The following MEI4 variants were observed in gnomAD, a reference collection of about 807,000 sequenced individuals.
MEI4 encodes meiosis-specific protein MEI4.
MEI4 carries 27 observed loss-of-function variants against 31.4 expected under a neutral mutation model. The ratio of observed to expected loss-of-function variants is 0.86; its 90% CI spans 0.63 to 1.19. The LOEUF (loss-of-function observed/expected upper bound fraction) is 1.19. Ranked by LOEUF, MEI4 falls within the 50% of genes most tolerant of loss-of-function variation. The probability of loss-of-function intolerance (pLI) is 0.00; values close to 1 mark genes in which losing one functional copy is unlikely to be tolerated. For synonymous variants in MEI4, 122 were observed against 145.4 expected (o/e 0.84, Z 1.16); for missense variants, 329 against 398.9 (o/e 0.82, Z 1.49).
intron 2 of MEI4, among the ~76,000 whole-genome samples, chr6:77,713,118 A>G (rs1183239489): frequency 2.0e-5 from 3 of 152,182 alleles, no homozygotes; most frequent in African/African-American, 7.2e-5. Context: ...TTTGAATATT[A>G]GCTCTGTCAA....
At chr6:77,865,662 T>A (rs577468020) in intron 4 of MEI4, among the ~76,000 whole-genome samples, 1 of 152,326 alleles carries the variant, frequency 6.6e-6, no homozygotes, top group East Asian at 1.9e-4. Flanking sequence ...TAGGAGGAGC[T>A]GGTACCATTC....
chr6:77,891,510 G>A (rs1302325792), intron 4 of MEI4, among the ~76,000 whole-genome samples: 1 of 151,906 alleles, frequency 6.6e-6, no homozygotes, highest in Non-Finnish European at 1.5e-5. Flanking sequence ...TTCTCTTTTA[G>A]ATCATGTATT....
chr6:77,677,640 C>T (rs1768869226), intron 1 of MEI4, among the ~76,000 whole-genome samples: 1 of 152,094 alleles, frequency 6.6e-6, no homozygotes, highest in African/African-American at 2.4e-5. Context: ...CAGTTTTGGC[C>T]TCTTAACCTC....
intron 2 of MEI4, among the ~76,000 whole-genome samples, chr6:77,754,926 G>T (rs1208124633): frequency 6.6e-6 from 1 of 152,148 alleles, no homozygotes; most frequent in African/African-American, 2.4e-5. Flanking sequence ...CTTGACATGT[G>T]GGTATTACAG....
At position 77,734,938 on chromosome 6, in the gene MEI4, T is replaced by C. The variant is rs572860300; in HGVS notation, c.233-26192T>C. Reference sequence around the variant, plus strand: ...TGAAATTCTGGGTTGAAAATTCTTTTCTTTAAGAATGTTGAATATTGGCCC... The same window carrying C: ...TGAAATTCTGGGTTGAAAATTCTTTCCTTTAAGAATGTTGAATATTGGCCC... On this transcript the variant is annotated intron_variant, in intron 2 of 4. Transcript: ENST00000684080. 1.5e-3 allele frequency among the ~76,000 whole-genome samples: 232 copies of C among 152,044 alleles called. 3 individuals are homozygous for C. Among genetic ancestry groups the C allele is most frequent in the African/African-American group, 4.5e-3 (188 of 41,372 alleles).
intron 3 of MEI4, among the ~76,000 whole-genome samples, chr6:77,772,906 G>A (rs187881880): frequency 2.1e-3 from 321 of 151,956 alleles, no homozygotes; most frequent in Non-Finnish European, 3.9e-3. Context: ...TATGCCAACA[G>A]TGAAAAATGT....
intron 2 of MEI4, among the ~76,000 whole-genome samples, chr6:77,695,571 T>G (rs1270513832): frequency 6.6e-6 from 1 of 152,192 alleles, no homozygotes; most frequent in Non-Finnish European, 1.5e-5. Flanking sequence ...ATCAGATAGT[T>G]GTAGATATGT....
intron 2 of MEI4, among the ~76,000 whole-genome samples, chr6:77,730,841 T>C (rs909159438): frequency 2.8e-5 from 4 of 144,696 alleles, no homozygotes; most frequent in Non-Finnish European, 6.0e-5. Flanking sequence ...TGTGTTCTCA[T>C]TGTTCAATTC....
chr6:77,692,419 G>GAC (rs1253694549), intron 2 of MEI4, among the ~76,000 whole-genome samples: 1 of 152,004 alleles, frequency 6.6e-6, no homozygotes, highest in African/African-American at 2.4e-5. Flanking sequence ...CTCAAAGCCT[G>GAC]ACACACAGAA....
At chr6:77,710,520 C>CAAAAAA (rs1198470708) in intron 2 of MEI4, among the ~76,000 whole-genome samples, 67 of 57,372 alleles carry the variant, frequency 1.2e-3, no homozygotes, top group African/African-American at 2.2e-3. Flanking sequence ...GACTCCATCT[C>CAAAAAA]AAAAAAAAAA....
chr6:77,728,920 G>T (rs750283377), intron 2 of MEI4, among the ~76,000 whole-genome samples: 2 of 152,170 alleles, frequency 1.3e-5, no homozygotes, highest in Non-Finnish European at 2.9e-5. Flanking sequence ...ATGGAGAATG[G>T]GCTGTAACTG....
intron 3 of MEI4, among the ~76,000 whole-genome samples, chr6:77,763,624 T>G (rs964415336): frequency 1.9e-4 from 29 of 152,176 alleles, no homozygotes; most frequent in Admixed American, 1.4e-3. Context: ...CCATCACAAG[T>G]TTGAAATGAA....
At chr6:77,664,830 G>A (rs1413940926) in intron 1 of MEI4, among the ~76,000 whole-genome samples, 1 of 152,080 alleles carries the variant, frequency 6.6e-6, no homozygotes, top group Non-Finnish European at 1.5e-5. Flanking sequence ...CTTGCAGGAT[G>A]GAAAAATTCA....
intron 2 of MEI4, among the ~76,000 whole-genome samples, chr6:77,694,895 C>T (rs1166922631): frequency 4.0e-5 from 6 of 150,498 alleles, no homozygotes; most frequent in Non-Finnish European, 8.9e-5. Flanking sequence ...TAAAAGTGTT[C>T]CTATTTCTCC....
intron 4 of MEI4, among the ~76,000 whole-genome samples, chr6:77,862,516 G>A (rs1050808787): frequency 1.3e-5 from 2 of 152,282 alleles, no homozygotes; most frequent in South Asian, 2.1e-4. Context: ...AGGTGGCAGC[G>A]ATGCTGGGGG....
At chr6:77,668,929 G>A (rs1175691894) in intron 1 of MEI4, among the ~76,000 whole-genome samples, 1 of 152,080 alleles carries the variant, frequency 6.6e-6, no homozygotes, top group Non-Finnish European at 1.5e-5. Flanking sequence ...ATTCCTGAAT[G>A]TCTTCTTTAT....
intron 2 of MEI4, among the ~76,000 whole-genome samples, chr6:77,700,332 T>A (rs978647328): frequency 6.6e-6 from 1 of 152,120 alleles, no homozygotes; most frequent in South Asian, 2.1e-4. Context: ...CACCTTGTAG[T>A]TTGATCTGAC....
intron 2 of MEI4, among the ~76,000 whole-genome samples, chr6:77,698,350 T>A (rs1415001468): frequency 6.6e-6 from 1 of 152,202 alleles, no homozygotes; most frequent in East Asian, 1.9e-4. Flanking sequence ...TTGATGCAGT[T>A]TCTTCCTAGC....
chr6:77,702,246 T>G (rs897804918), intron 2 of MEI4, among the ~76,000 whole-genome samples: 3 of 152,184 alleles, frequency 2.0e-5, no homozygotes, highest in Non-Finnish European at 4.4e-5. Flanking sequence ...TGAGGAAACA[T>G]TGCAAATAAC....
Sources: allele counts gnomAD v4.1 joint callset (sites outside exome capture counted in the v4.1 genomes callset), GRCh38; gene constraint gnomAD v4.1.1; transcripts MANE v1.5; gene names NCBI Gene and HGNC (gene_info 2026-07-23, HGNC 2026-07-21).